TEAD1: variants seen among roughly 807,000 people sequenced by gnomAD.
TEAD1 encodes transcriptional enhancer factor TEF-1.
TEAD1 carries 9 observed loss-of-function variants against 54.9 expected under a neutral mutation model. That is an observed-to-expected ratio of 0.16 (90% CI 0.10 to 0.29). TEAD1 has a LOEUF of 0.29. Among genes scored for constraint, TEAD1 ranks in the 10% least tolerant of loss-of-function variants. The pLI, the probability that TEAD1 is intolerant of heterozygous loss-of-function variation, is 1.00. For missense variants in TEAD1, 387 were observed against 535.9 expected, an observed-to-expected ratio of 0.72 and a Z score of 2.74; for synonymous variants, 200 against 187.8, an observed-to-expected ratio of 1.07 and a Z score of -0.53.
chr11:12,726,046 T>G (rs1005211526), intron 2 of TEAD1, among the ~76,000 whole-genome samples: 2 of 152,184 alleles, frequency 1.3e-5, no homozygotes, highest in Non-Finnish European at 2.9e-5. Context: ...GAGATAAGGC[T>G]TAGGCTGTGA....
At chr11:12,769,440 T>TGG (rs1159518817) in intron 3 of TEAD1, among the ~76,000 whole-genome samples, 1 of 152,148 alleles carries the variant, frequency 6.6e-6, no homozygotes, top group Non-Finnish European at 1.5e-5. Flanking sequence ...TATGTATTGA[T>TGG]TAGTCAGTAC....
At position 12,940,188 on chromosome 11, in the gene TEAD1, T is replaced by C. The variant is rs1426260592; in HGVS notation, c.*2966T>C. 1 of 152,218 alleles carries C rather than the reference T, an allele frequency of 6.6e-6. No homozygotes were observed. Among genetic ancestry groups the C allele is most frequent in the Non-Finnish European group, 1.5e-5 (1 of 68,058 alleles). The allele number at this position is 152,218 out of a possible 1,614,324, so 9.4% of individuals were successfully genotyped here. ...AAAACAAGGACTTATTCACACATGT[T>C]CTAGAACCCCAGAATGGCCCAAGTT... On this transcript the variant is annotated 3_prime_UTR_variant, in exon 13 of 13. Coordinates refer to ENST00000527636, the MANE Select transcript of TEAD1 (RefSeq NM_021961.6).
intron 2 of TEAD1, among the ~76,000 whole-genome samples, chr11:12,691,959 A>G (rs1475418892): frequency 6.6e-6 from 1 of 152,234 alleles, no homozygotes; most frequent in Non-Finnish European, 1.5e-5. Flanking sequence ...TAAAGAATTT[A>G]TCACTAGTCT....
At chr11:12,847,880 G>A (rs1211152141) in intron 3 of TEAD1, among the ~76,000 whole-genome samples, 2 of 152,146 alleles carry the variant, frequency 1.3e-5, no homozygotes, top group East Asian at 3.9e-4. Context: ...GCTCAACTGA[G>A]GAAGGTGATT....
chr11:12,759,933 C>T (rs997997512), intron 2 of TEAD1, among the ~76,000 whole-genome samples: 3 of 152,206 alleles, frequency 2.0e-5, no homozygotes, highest in Admixed American at 6.5e-5. Context: ...TCTGTGAAAA[C>T]GGTTACTACC....
chr11:12,836,604 T>A (rs1303486460), intron 3 of TEAD1, among the ~76,000 whole-genome samples: 1 of 152,144 alleles, frequency 6.6e-6, no homozygotes, highest in Non-Finnish European at 1.5e-5. Context: ...TGGTAAACTT[T>A]AGGGGCCTTA....
intron 10 of TEAD1, among the ~76,000 whole-genome samples, chr11:12,905,978 G>A (rs895427060): frequency 6.6e-6 from 1 of 152,086 alleles, no homozygotes; most frequent in Admixed American, 6.6e-5. Context: ...ACTTGGAGGC[G>A]AATGGGATGG....
intron 2 of TEAD1, among the ~76,000 whole-genome samples, chr11:12,676,180 A>G (rs1039608722): frequency 6.6e-6 from 1 of 152,236 alleles, no homozygotes; most frequent in Non-Finnish European, 1.5e-5. Context: ...AAAACACTAC[A>G]CGTATTGCAA....
chr11:12,804,667 G>C (rs1946131573), intron 3 of TEAD1, among the ~76,000 whole-genome samples: 1 of 152,212 alleles, frequency 6.6e-6, no homozygotes, highest in Admixed American at 6.5e-5. Flanking sequence ...AGATAGAGGA[G>C]GATGCATACC....
intron 3 of TEAD1, among the ~76,000 whole-genome samples, chr11:12,775,972 C>A (rs56968831): frequency 6.8e-6 from 1 of 146,850 alleles, no homozygotes; most frequent in African/African-American, 2.7e-5. Context: ...TTACTGGCGG[C>A]GGGGGGTTCA....
chr11:12,756,695 A>G (rs991727346), intron 2 of TEAD1, among the ~76,000 whole-genome samples: 4 of 152,188 alleles, frequency 2.6e-5, no homozygotes, highest in Admixed American at 2.0e-4. Context: ...AGTGTATTTG[A>G]TATTCCCATA....
intron 3 of TEAD1, among the ~76,000 whole-genome samples, chr11:12,785,393 C>T (rs771521273): frequency 7.2e-5 from 11 of 152,164 alleles, no homozygotes; most frequent in Non-Finnish European, 1.3e-4. Context: ...TCCTCCTGTC[C>T]CACAGGTCCT....
At chr11:12,857,943 T>C (rs1483429239) in intron 3 of TEAD1, among the ~76,000 whole-genome samples, 1 of 152,060 alleles carries the variant, frequency 6.6e-6, no homozygotes, top group East Asian at 1.9e-4. Context: ...AAAGTTGGTC[T>C]GGTATGGTGG....
chr11:12,821,376 A>C (rs954505353), intron 3 of TEAD1, among the ~76,000 whole-genome samples: 2 of 152,236 alleles, frequency 1.3e-5, no homozygotes, highest in South Asian at 4.1e-4. Context: ...TTCATCATTA[A>C]TAATGTTTAA....
chr11:12,739,282 A>C (rs1310145297), intron 2 of TEAD1, among the ~76,000 whole-genome samples: 1 of 151,984 alleles, frequency 6.6e-6, no homozygotes, highest in East Asian at 1.9e-4. Flanking sequence ...AATCTTTTTA[A>C]TTGTGATAAA....
intron 6 of TEAD1, 53 bp from the exon 7 acceptor site, chr11:12,880,952 C>G: frequency 6.2e-7 from 1 of 1,604,714 alleles, no homozygotes; most frequent in Non-Finnish European, 8.5e-7. Flanking sequence ...GCATCCTAAA[C>G]TGTGCTTTGA....
intron 3 of TEAD1, among the ~76,000 whole-genome samples, chr11:12,764,651 T>G (rs1358481867): frequency 6.6e-6 from 1 of 151,984 alleles, no homozygotes; most frequent in Non-Finnish European, 1.5e-5. Context: ...CTTTTCTTCT[T>G]CTACATGTGT....
intron 5 of TEAD1, among the ~76,000 whole-genome samples, chr11:12,877,226 A>G (rs1706871745): frequency 6.6e-6 from 1 of 152,218 alleles, no homozygotes; most frequent in Non-Finnish European, 1.5e-5. Flanking sequence ...GCCAGCTTCT[A>G]GGGCCCTTGG....
chr11:12,861,050 A>T (rs1426063905), intron 3 of TEAD1, among the ~76,000 whole-genome samples: 1 of 152,198 alleles, frequency 6.6e-6, no homozygotes, highest in Non-Finnish European at 1.5e-5. Context: ...AGCTGATACA[A>T]AGCCAGCCAA....
Sources: gnomAD v4.1 joint callset for allele counts (sites outside exome capture counted in the v4.1 genomes callset) on GRCh38, gnomAD v4.1.1 for gene constraint, MANE v1.5 for transcripts, NCBI Gene and HGNC (gene_info 2026-07-23, HGNC 2026-07-21) for gene names.